Variants in DOK5 observed in about 807,000 individuals in gnomAD.
DOK5 encodes the protein downstream of tyrosine kinase 5.
Under a neutral mutation model 43.3 loss-of-function variants are expected in DOK5, and 27 were observed. That is an observed-to-expected ratio of 0.62 (90% CI 0.46 to 0.86). The LOEUF is 0.86. DOK5 is among the 40% of genes least tolerant of loss of function. The probability of loss-of-function intolerance (pLI) is 0.00; values close to 1 mark genes in which losing one functional copy is unlikely to be tolerated. For missense variants in DOK5, 373 were observed against 392.9 expected (o/e 0.95, Z 0.43); for synonymous variants, 146 against 140.1 (o/e 1.04, Z -0.30).
intron 6 of DOK5, among the ~76,000 whole-genome samples, chr20:54,619,350 G>T (rs1395572152): frequency 6.6e-6 from 1 of 151,856 alleles, no homozygotes; most frequent in Non-Finnish European, 1.5e-5. Context: ...GACAGCTCAG[G>T]CACTCCCCTG....
chr20:54,557,164 G>A (rs192651144), intron 2 of DOK5, among the ~76,000 whole-genome samples: 186 of 152,170 alleles, frequency 1.2e-3, no homozygotes, highest in African/African-American at 4.5e-3. Flanking sequence ...ATCACATCAC[G>A]ATATTCTTTG....
Position 54,611,564 on chromosome 20 carries a change from A to G in DOK5, c.735+1041A>G. 1.3e-5 allele frequency among the ~76,000 whole-genome samples: 2 copies of G among 151,244 alleles called. 1 individual carries two copies. Among genetic ancestry groups the G allele is most frequent in the East Asian group, 3.9e-4 (2 of 5,182 alleles). ...TGACAAAGAGAGACACTGCCTAAAA[A>G]TTTAAAAAAAATAATAATAATTATG... On this transcript the variant is annotated intron_variant, in intron 6 of 7. Transcript: ENST00000262593.
Position 54,643,542 on chromosome 20 carries a change from C to T in DOK5, c.820C>T (p.Arg274Trp), listed in dbSNP as rs749182201. 1.5e-5 allele frequency: 25 copies of T among 1,613,206 alleles called. No individual in the cohort carries two copies. Among genetic ancestry groups the T allele is most frequent in the Middle Eastern group, 1.6e-4 (1 of 6,084 alleles). Reference sequence around the variant, plus strand: ...CAGCGCCTACTGGCAGCACATCACACGGCAGCACAGCACGGGACAGCTCTA... The same window carrying T: ...CAGCGCCTACTGGCAGCACATCACATGGCAGCACAGCACGGGACAGCTCTA... ...PRSAYWQHITRQHSTGQLYRL... is the reference protein window; with the variant it reads ...PRSAYWQHITWQHSTGQLYRL... The change falls in exon 7 of 8, where the codon CGG (arginine) becomes TGG (tryptophan). Residue 274 changes from arginine to tryptophan, a missense_variant. Coordinates refer to ENST00000262593, the MANE Select transcript of DOK5 (RefSeq NM_018431.5).
chr20:54,481,881 A>G (rs1981735031), intron 1 of DOK5, among the ~76,000 whole-genome samples: 1 of 152,230 alleles, frequency 6.6e-6, no homozygotes, highest in South Asian at 2.1e-4. Context: ...ATAGATGATG[A>G]TCATAAAGAG....
chr20:54,526,725 G>T (rs1390865770), intron 1 of DOK5, among the ~76,000 whole-genome samples: 2 of 151,952 alleles, frequency 1.3e-5, no homozygotes, highest in African/African-American at 4.8e-5. Context: ...CCAATAATAG[G>T]TATCTCTTTA....
chr20:54,561,857 T>A (rs919242765), intron 2 of DOK5, among the ~76,000 whole-genome samples: 1 of 152,116 alleles, frequency 6.6e-6, no homozygotes, highest in Admixed American at 6.6e-5. Context: ...GGGTTTCTCC[T>A]TGTGGGTCAG....
In DOK5 at chr20:54,594,599, T is replaced by C. The variant is rs551603096; in HGVS notation, c.599+2794T>C. On this transcript the variant is annotated intron_variant, in intron 5 of 7. Coordinates refer to ENST00000262593, the MANE Select transcript of DOK5 (RefSeq NM_018431.5). The stretch of plus-strand genomic sequence containing the variant: ...TCTCCATTCATATTTCATATTGATG[T>C]GTAAGAGAATTCTGCATTGATCAAG... Among the ~76,000 whole-genome samples, 18 of 152,332 alleles carry C rather than the reference T, an allele frequency of 1.2e-4. No homozygotes were observed. The South Asian group carries it at 3.7e-3, about 32-fold the overall frequency.
chr20:54,531,976 G>A (rs2146706849), intron 1 of DOK5, among the ~76,000 whole-genome samples: 1 of 152,142 alleles, frequency 6.6e-6, no homozygotes, highest in Non-Finnish European at 1.5e-5. Flanking sequence ...GGATGAGAGG[G>A]GCCTCTCATG....
chr20:54,486,551 C>T (rs1360069573), intron 1 of DOK5, among the ~76,000 whole-genome samples: 1 of 151,302 alleles, frequency 6.6e-6, no homozygotes, highest in Non-Finnish European at 1.5e-5. Flanking sequence ...GATACTTTCT[C>T]ATTTTACACA....
chr20:54,584,184 G>A (rs1420842633), intron 2 of DOK5, among the ~76,000 whole-genome samples: 1 of 151,538 alleles, frequency 6.6e-6, no homozygotes, highest in African/African-American at 2.4e-5. Flanking sequence ...AATAAATATT[G>A]ATAGGAAATG....
intron 1 of DOK5, among the ~76,000 whole-genome samples, chr20:54,547,386 T>G (rs61478556): frequency 0.016 from 2,449 of 152,290 alleles, 68 homozygotes; most frequent in African/African-American, 0.056. Flanking sequence ...AATTTGCTAT[T>G]TTCTTCATAA....
At chr20:54,525,932 C>T (rs1171205694) in intron 1 of DOK5, among the ~76,000 whole-genome samples, 1 of 152,152 alleles carries the variant, frequency 6.6e-6, no homozygotes, top group East Asian at 1.9e-4. Context: ...CATTGAGACA[C>T]AAATAGACTT....
At position 54,637,933 on chromosome 20, in the gene DOK5, T is replaced by C. The variant is rs540593530; in HGVS notation, c.736-5525T>C. On this transcript the variant is annotated intron_variant, in intron 6 of 7. Transcript: ENST00000262593. ...GTCAGGAGATCAAGACCATCGTGGC[T>C]AACACGGTGAAACCCCGTCTCTACT... 2.7e-3 allele frequency among the ~76,000 whole-genome samples: 404 copies of C among 152,196 alleles called. 1 individual carries two copies. The highest frequency in any genetic ancestry group is 6.8e-3 in the South Asian group (33 of 4,828).
chr20:54,476,400 A>T (rs141725276), intron 1 of DOK5, among the ~76,000 whole-genome samples: 9 of 152,068 alleles, frequency 5.9e-5, no homozygotes, highest in African/African-American at 2.2e-4. Flanking sequence ...TTTCCGGGGG[A>T]TGGATCGGCT....
chr20:54,491,742 C>T lies in DOK5; in HGVS notation c.66+15730C>T, dbSNP rs74539937. Among the ~76,000 whole-genome samples, 406 of 152,228 alleles carry T rather than the reference C, an allele frequency of 2.7e-3. 1 individual carries two copies. Among genetic ancestry groups the T allele is most frequent in the African/African-American group, 9.5e-3 (394 of 41,528 alleles). ...TTCTATTCAGTCCCAAGTGGGTCTC[C>T]GCAGCATCCCACCATTGGCTTCCTG... On this transcript the variant is annotated intron_variant, in intron 1 of 7. Transcript: ENST00000262593.
chr20:54,496,533 C>T (rs142178894), intron 1 of DOK5, among the ~76,000 whole-genome samples: 11 of 151,914 alleles, frequency 7.2e-5, no homozygotes, highest in African/African-American at 2.4e-4. Flanking sequence ...TTTGGGAGGC[C>T]AAGGCGGGTG....
intron 2 of DOK5, among the ~76,000 whole-genome samples, chr20:54,582,021 C>G (rs1985660496): frequency 6.6e-6 from 1 of 151,810 alleles, no homozygotes; most frequent in Admixed American, 6.6e-5. Flanking sequence ...AGTATATGGT[C>G]TTCATCATGT....
At chr20:54,485,444 T>C (rs575560575) in intron 1 of DOK5, among the ~76,000 whole-genome samples, 2 of 152,226 alleles carry the variant, frequency 1.3e-5, no homozygotes, top group African/African-American at 4.8e-5. Context: ...TATAATCCCC[T>C]GAGATTCGTT....
chr20:54,491,594 C>T (rs1428482591), intron 1 of DOK5, among the ~76,000 whole-genome samples: 1 of 152,166 alleles, frequency 6.6e-6, no homozygotes, highest in Non-Finnish European at 1.5e-5. Context: ...GAACTGCTTA[C>T]ACCTCGGCTT....
Sources: allele counts gnomAD v4.1 joint callset (sites outside exome capture counted in the v4.1 genomes callset), GRCh38; gene constraint gnomAD v4.1.1; transcripts MANE v1.5; gene names NCBI Gene and HGNC (gene_info 2026-07-23, HGNC 2026-07-21).